SLC44A5: variants seen among roughly 807,000 people sequenced by gnomAD.
The protein encoded by SLC44A5 is solute carrier family 44 member 5, also known as choline transporter-like protein 5.
Under a neutral mutation model 101.8 loss-of-function variants are expected in SLC44A5, and 57 were observed. That is an observed-to-expected ratio of 0.56 (90% CI 0.45 to 0.70). The LOEUF is 0.70. Ranked by LOEUF, SLC44A5 falls within the 30% of genes least tolerant of loss-of-function variation. The pLI, the probability that SLC44A5 is intolerant of heterozygous loss-of-function variation, is 0.00. For synonymous variants in SLC44A5, 281 were observed against 290.9 expected (o/e 0.97, Z 0.35); for missense variants, 737 against 853.1 (o/e 0.86, Z 1.70).
the SLC44A5 span, among the ~76,000 whole-genome samples, chr1:75,616,206 C>G: frequency 7.2e-5 from 11 of 151,878 alleles, no homozygotes; most frequent in South Asian, 2.3e-3. Context: ...TGAGCGCCCG[C>G]CCAGCGCTGA....
At chr1:75,637,529 A>G in the SLC44A5 span, among the ~76,000 whole-genome samples, 1 of 151,996 alleles carries the variant, frequency 6.6e-6, no homozygotes, top group African/African-American at 2.4e-5. Context: ...TTATTGCTTA[A>G]TGGGTACAGA....
chr1:75,466,727 GCTA>G (rs1307644767), intron 2 of SLC44A5, among the ~76,000 whole-genome samples: 5 of 150,062 alleles, frequency 3.3e-5, no homozygotes, highest in Non-Finnish European at 5.9e-5. Context: ...CAGATTCATA[GCTA>G]TTATCATACT....
intron 13 of SLC44A5, 64 bp from the exon 14 acceptor site, chr1:75,222,524 C>A (rs1208034960): frequency 1.6e-5 from 15 of 939,792 alleles, no homozygotes; most frequent in East Asian, 2.5e-5. Context: ...ACCTTCCCTG[C>A]AAATGCTAGG....
intron 23 of SLC44A5, among the ~76,000 whole-genome samples, chr1:75,210,212 AATTTATTT>A (rs145757681): frequency 0.023 from 3,412 of 151,276 alleles, 122 homozygotes; most frequent in African/African-American, 0.07. Context: ...GTGCCTGGCT[AATTTATTT>A]ATTTATTTAT....
intron 2 of SLC44A5, among the ~76,000 whole-genome samples, chr1:75,485,970 T>G (rs1278033852): frequency 6.6e-6 from 1 of 152,090 alleles, no homozygotes; most frequent in Non-Finnish European, 1.5e-5. Context: ...GATCCAATCA[T>G]CTCCCACCAG....
At chr1:75,290,956 T>C (rs1653490647) in intron 5 of SLC44A5, among the ~76,000 whole-genome samples, 1 of 152,116 alleles carries the variant, frequency 6.6e-6, no homozygotes, top group Admixed American at 6.5e-5. Context: ...GGTCTATGAA[T>C]TGGAAGGAGA....
intron 1 of SLC44A5, among the ~76,000 whole-genome samples, chr1:75,596,359 C>T (rs980058128): frequency 5.9e-5 from 9 of 152,150 alleles, no homozygotes; most frequent in African/African-American, 2.2e-4. Context: ...CAGCTGAATT[C>T]TACCAGATGT....
intron 2 of SLC44A5, among the ~76,000 whole-genome samples, chr1:75,477,006 G>A (rs1667457243): frequency 6.6e-6 from 1 of 152,236 alleles, no homozygotes; most frequent in Admixed American, 6.5e-5. Context: ...GCACCCCCCA[G>A]CAGGGGCAGA....
the SLC44A5 span, among the ~76,000 whole-genome samples, chr1:75,683,669 G>C: frequency 6.6e-6 from 1 of 152,086 alleles, no homozygotes; most frequent in Non-Finnish European, 1.5e-5. Context: ...TGACGAGTTA[G>C]TGGGTGCAGC....
chr1:75,496,301 C>T (rs752317848), intron 2 of SLC44A5, among the ~76,000 whole-genome samples: 10 of 151,988 alleles, frequency 6.6e-5, no homozygotes, highest in Non-Finnish European at 1.3e-4. Context: ...AAGAAACCCA[C>T]AAATAAATTG....
At chr1:75,499,781 T>C (rs1668857558) in intron 2 of SLC44A5, among the ~76,000 whole-genome samples, 1 of 152,160 alleles carries the variant, frequency 6.6e-6, no homozygotes, top group Admixed American at 6.5e-5. Flanking sequence ...CAGATGCAGC[T>C]AGTGTAAATA....
the SLC44A5 span, among the ~76,000 whole-genome samples, chr1:75,678,464 G>C: frequency 5.3e-5 from 8 of 151,882 alleles, no homozygotes; most frequent in Non-Finnish European, 7.4e-5. Context: ...CCTGACACCC[G>C]AGCAGCCTAA....
intron 2 of SLC44A5, among the ~76,000 whole-genome samples, chr1:75,477,783 A>C (rs1364477423): frequency 6.6e-6 from 1 of 152,202 alleles, no homozygotes; most frequent in Non-Finnish European, 1.5e-5. Context: ...TGACTGGTGT[A>C]CCTGAAAGTG....
rs112322851 is a variant in SLC44A5, at chr1:75,450,017, G to A, written c.14-53396C>T. ...TCTATCTCAAAAAAAAAAATTAATC[G>A]CAGGATAATGCATAATGATCAACTT... On this transcript the variant is annotated intron_variant, in intron 2 of 23. Transcript: ENST00000370859. Among the ~76,000 whole-genome samples, 813 of 152,014 alleles carry A rather than the reference G, an allele frequency of 5.3e-3. 7 individuals carry two copies. Among genetic ancestry groups the A allele is most frequent in the African/African-American group, 0.019 (779 of 41,474 alleles).
intron 3 of SLC44A5, among the ~76,000 whole-genome samples, chr1:75,354,639 C>T (rs1570755814): frequency 6.6e-6 from 1 of 152,160 alleles, no homozygotes; most frequent in Non-Finnish European, 1.5e-5. Context: ...CCTTTGACTC[C>T]GCCGGACTTC....
chr1:75,420,183 G>A (rs1331186898), intron 2 of SLC44A5, among the ~76,000 whole-genome samples: 1 of 152,030 alleles, frequency 6.6e-6, no homozygotes, highest in Non-Finnish European at 1.5e-5. Flanking sequence ...ATCTGTTGGT[G>A]CCTTAATCTT....
rs1646686955 is a variant in SLC44A5, at chr1:75,202,879, T to G, written c.*848A>C. 1 of 151,576 alleles carries G rather than the reference T, an allele frequency of 6.6e-6. No homozygotes were observed. The highest frequency in any genetic ancestry group is 1.9e-4 in the East Asian group (1 of 5,180). 9.4% of individuals were successfully genotyped at this position (151,576 alleles called of 1,614,324 possible). A position where few individuals can be genotyped will look rare whatever the true frequency, so the allele number is the denominator to read the frequency against. ...TTTAGTAAAAAAAAAAACAAAGAAA[T>G]CCAACAAGTGTTCTTTCGGGGTTTG... On this transcript the variant is annotated 3_prime_UTR_variant, in exon 24 of 24. Transcript: ENST00000370859.
the SLC44A5 span, among the ~76,000 whole-genome samples, chr1:75,680,662 A>G: frequency 6.6e-5 from 10 of 150,986 alleles, no homozygotes; most frequent in Non-Finnish European, 1.0e-4. Context: ...GAAAGCAGGA[A>G]AGATCCAAAA....
chr1:75,497,889 AT>A (rs1447373762), intron 2 of SLC44A5, among the ~76,000 whole-genome samples: 2 of 152,146 alleles, frequency 1.3e-5, no homozygotes, highest in Non-Finnish European at 2.9e-5. Context: ...ACAGAAATTG[AT>A]TTTTTGAGTA....
Sources: gnomAD v4.1 joint callset for allele counts (sites outside exome capture counted in the v4.1 genomes callset) on GRCh38, gnomAD v4.1.1 for gene constraint, MANE v1.5 for transcripts, NCBI Gene and HGNC (gene_info 2026-07-23, HGNC 2026-07-21) for gene names.